Variants in ADAM17 observed in about 807,000 individuals in gnomAD.
ADAM17 encodes the protein disintegrin and metalloproteinase domain-containing protein 17.
In ADAM17, 39 loss-of-function variants were observed where a neutral mutation model predicts 96.7. The observed-to-expected ratio is 0.40, with a 90% CI of 0.31 to 0.53. ADAM17 has a LOEUF of 0.53. Ranked by LOEUF, ADAM17 falls within the 20% of genes least tolerant of loss-of-function variation. The pLI, the probability that ADAM17 is intolerant of heterozygous loss-of-function variation, is 0.44. For missense variants in ADAM17, 777 were observed against 1,013.2 expected, an observed-to-expected ratio of 0.77 and a Z score of 3.17; for synonymous variants, 344 against 359.2, an observed-to-expected ratio of 0.96 and a Z score of 0.48.
intron 8 of ADAM17, among the ~76,000 whole-genome samples, chr2:9,518,483 TA>T (rs1186380618): frequency 6.6e-6 from 1 of 152,110 alleles, no homozygotes; most frequent in African/African-American, 2.4e-5. Context: ...CAAAAGGGAA[TA>T]GTTCGGGAGC....
intron 4 of ADAM17, 40 bp downstream of exon 4, chr2:9,535,794 A>G: frequency 7.7e-7 from 1 of 1,307,022 alleles, no homozygotes; most frequent in Non-Finnish European, 1.1e-6. Context: ...TGAAAATCAG[A>G]GATATAAGCT....
At chr2:9,551,418 G>A (rs1030672660) in intron 1 of ADAM17, among the ~76,000 whole-genome samples, 1 of 152,046 alleles carries the variant, frequency 6.6e-6, no homozygotes, top group Non-Finnish European at 1.5e-5. Flanking sequence ...GAGGTATCTT[G>A]GGGATGGGAC....
chr2:9,530,615 A>G (rs1664699411), intron 4 of ADAM17, among the ~76,000 whole-genome samples: 1 of 152,244 alleles, frequency 6.6e-6, no homozygotes, highest in African/African-American at 2.4e-5. Flanking sequence ...CCTGGACTGG[A>G]AAACCAAAAA....
intron 10 of ADAM17, among the ~76,000 whole-genome samples, chr2:9,517,540 A>T (rs1441792445): frequency 6.6e-6 from 1 of 152,192 alleles, no homozygotes; most frequent in South Asian, 2.1e-4. Flanking sequence ...GCACTGAGAA[A>T]GAGGGAGACC....
rs551700548 is a variant in ADAM17, at chr2:9,541,164, C to T, written c.230+1989G>A. On this transcript the variant is annotated intron_variant, in intron 2 of 18. Coordinates refer to ENST00000310823, the MANE Select transcript of ADAM17 (RefSeq NM_003183.6). The stretch of plus-strand genomic sequence containing the variant: ...TAGTGTATTAGTCAGTATGTTGTTA[C>T]AATTCTATGCAATAGGAATATTTAT... Among the ~76,000 whole-genome samples, 3 of 152,252 alleles carry T rather than the reference C, an allele frequency of 2.0e-5. No individual in the cohort carries two copies. The South Asian group carries it at 6.2e-4, about 32-fold the overall frequency.
rs568914393 is a variant in ADAM17 at position 9,531,680 on chromosome 2, C to T, written c.451-3726G>A. ...TTGCGCCACTGCACTCCAGCCTGGGCGACAGAGCAAGACTCCATCTCAAAT... is the reference window on the plus strand; with the variant it reads ...TTGCGCCACTGCACTCCAGCCTGGGTGACAGAGCAAGACTCCATCTCAAAT... On this transcript the variant is annotated intron_variant, in intron 4 of 18. Transcript: ENST00000310823. Among the ~76,000 whole-genome samples the T allele has an allele frequency of 3.9e-5, 6 of 152,060 alleles. No individual in the cohort carries two copies. In the South Asian group the frequency reaches 1.2e-3, roughly 32 times the overall value.
chr2:9,555,510 G>A lies in ADAM17; in HGVS notation c.96C>T (p.Leu32=). The part of the protein sequence containing the change: ...DDPGFGPHQR[L]EKLDSLLSDY... Reference sequence around the variant, plus strand: ...AAGCCAACTCCCCTGGGTCTTTACCGAGTCTCTGGTGGGGGCCGAAGCCCG... The same window carrying A: ...AAGCCAACTCCCCTGGGTCTTTACCAAGTCTCTGGTGGGGGCCGAAGCCCG... Residue 32 remains leucine, a splice_region_variant and synonymous_variant, in exon 1 of 19, where the codon CTC becomes CTT. Transcript: ENST00000310823. 6 of 1,593,062 alleles carry A rather than the reference G, an allele frequency of 3.8e-6. No homozygotes were observed. The East Asian group carries it at 9.1e-5, about 24-fold the overall frequency.
At chr2:9,539,511 A>C (rs181303594) in intron 2 of ADAM17, among the ~76,000 whole-genome samples, 1 of 152,180 alleles carries the variant, frequency 6.6e-6, no homozygotes, top group East Asian at 1.9e-4. Context: ...CTCTTCATAC[A>C]ACCTCTCAGT....
chr2:9,542,522 A>G (rs889588106), intron 2 of ADAM17, among the ~76,000 whole-genome samples: 3 of 152,242 alleles, frequency 2.0e-5, no homozygotes, highest in Non-Finnish European at 4.4e-5. Flanking sequence ...TCATATATAA[A>G]GATAATATTT....
At chr2:9,527,655 CCT>C in intron 5 of ADAM17, 129 bp downstream of exon 5, 1 of 585,334 alleles carries the variant, frequency 1.7e-6, no homozygotes, top group Non-Finnish European at 2.6e-6. Context: ...CTGGAACAAA[CCT>C]CTTATTTTCA....
At chr2:9,531,394 C>T (rs947451394) in intron 4 of ADAM17, among the ~76,000 whole-genome samples, 13 of 151,840 alleles carry the variant, frequency 8.6e-5, no homozygotes, top group Non-Finnish European at 1.8e-4. Flanking sequence ...GGTGAAACCC[C>T]GTCTCTACTA....
intron 7 of ADAM17, chr2:9,521,518 G>T (rs1357316516): frequency 7.5e-6 from 2 of 267,178 alleles, no homozygotes; most frequent in Non-Finnish European, 7.1e-6. Flanking sequence ...ATATGTCAAT[G>T]AATTATTTAT....
At chr2:9,522,423 C>CA (rs1664352075) in intron 7 of ADAM17, 2 of 595,462 alleles carry the variant, frequency 3.4e-6, no homozygotes, top group African/African-American at 3.6e-5. Context: ...GTACATGTTA[C>CA]CTATTCAAAT....
intron 12 of ADAM17, among the ~76,000 whole-genome samples, chr2:9,502,750 G>A (rs555208421): frequency 4.0e-5 from 6 of 151,230 alleles, no homozygotes; most frequent in South Asian, 4.2e-4. Context: ...GTGGTGGTGC[G>A]CTCCTGTAAT....
chr2:9,518,573 T>C (rs1006592570), intron 8 of ADAM17, among the ~76,000 whole-genome samples: 27 of 152,270 alleles, frequency 1.8e-4, no homozygotes, highest in Admixed American at 5.9e-4. Flanking sequence ...CTAGAGATGC[T>C]CCAATTCGAT....
chr2:9,501,269 C>A (rs896211280), intron 13 of ADAM17, among the ~76,000 whole-genome samples: 1 of 151,936 alleles, frequency 6.6e-6, no homozygotes, highest in African/African-American at 2.4e-5. Context: ...AAAGTAAGAA[C>A]AAGAGATTAC....
In ADAM17 at chr2:9,494,705, C is replaced by A; in HGVS notation, c.1846G>T (p.Asp616Tyr). Residue 616 changes from aspartate (D) to tyrosine (Y), a missense_variant, in exon 15 of 19, where the codon GAT becomes TAT. Physicochemically the swap from Asp to Tyr is radical, Grantham distance 160. Transcript: ENST00000310823. ...AAAAATAAGTTCTTTTGTTCAGCAT[C>A]GACATAGGGCACACAGCGGCCAGAA... ...DLSGRCVPYV[D>Y]AEQKNLFLRK... The A allele has an allele frequency of 6.2e-7, 1 of 1,614,066 alleles. No homozygotes were observed. The highest frequency in any genetic ancestry group is 8.5e-7 in the Non-Finnish European group (1 of 1,179,982).
Position 9,526,238 on chromosome 2 carries a change from A to T in ADAM17, c.626T>A (p.Val209Asp), listed in dbSNP as rs1175197080. ...GTCAGCTCTTCTTTTCACTCGATGAACAAGCTCTAATATGAATTTGTATGC... is the reference window on the plus strand; with the variant it reads ...GTCAGCTCTTCTTTTCACTCGATGATCAAGCTCTAATATGAATTTGTATGC... ...LVDREPPEELVHRVKRRADPD... is the reference protein window; with the variant it reads ...LVDREPPEELDHRVKRRADPD... The change falls in exon 6 of 19, where the codon GTT becomes GAT. Residue 209 changes from valine (V) to aspartate (D), a missense_variant. Val to Asp is a radical substitution (Grantham distance 152, BLOSUM62 -3). Around this residue, in one of 3 missense-constraint regions of ADAM17, gnomAD observed 446 missense variants for 664.7 expected, o/e 0.67. Coordinates refer to ENST00000310823, the MANE Select transcript of ADAM17 (RefSeq NM_003183.6). 1 of 1,613,502 alleles carries T rather than the reference A, an allele frequency of 6.2e-7. No homozygotes were observed. The highest frequency in any genetic ancestry group is 8.5e-7 in the Non-Finnish European group (1 of 1,179,848).
intron 12 of ADAM17, 124 bp downstream of exon 12, chr2:9,505,042 G>C: frequency 9.4e-7 from 1 of 1,068,088 alleles, no homozygotes; most frequent in East Asian, 2.6e-5. Flanking sequence ...AAAAGAGGTA[G>C]ATGTAAACAA....
Sources: gnomAD v4.1 joint callset for allele counts (sites outside exome capture counted in the v4.1 genomes callset) on GRCh38, gnomAD v4.1.1 for gene constraint, gnomAD v4.1.1 regional missense constraint, MANE v1.5 for transcripts, NCBI Gene and HGNC (gene_info 2026-07-23, HGNC 2026-07-21) for gene names.